Variants in ZNF875 observed in about 807,000 individuals in gnomAD.
ZNF875 encodes the protein HKR1, GLI-Kruppel zinc finger family member.
ZNF875 carries 14 observed loss-of-function variants against 11.2 expected under a neutral mutation model. The ratio of observed to expected loss-of-function variants is 1.26; its 90% confidence interval spans 0.83 to 1.96. The LOEUF is 1.96. Ranked by LOEUF, ZNF875 falls within the 30% of genes most tolerant of loss-of-function variation. The probability of loss-of-function intolerance (pLI) is 0.00; values close to 1 mark genes in which losing one functional copy is unlikely to be tolerated. For synonymous variants in ZNF875, 301 were observed against 281.1 expected (o/e 1.07, Z -0.71); for missense variants, 752 against 760.4 (o/e 0.99, Z 0.13).
chr19:37,347,674 CT>C, intron 3 of ZNF875, 102 bp from the exon 4 acceptor site: 1 of 740,788 alleles, frequency 1.3e-6, no homozygotes, highest in Non-Finnish European at 2.4e-6. Context: ...ATTCATAGGT[CT>C]TTTTTATCCT....
At position 37,335,143 on chromosome 19, in the gene ZNF875, A is replaced by G. The variant is rs138825315; in HGVS notation, c.-56-26A>G. ...TGGGGAGGGTGTTTCCACCTAGGCC[A>G]CTCTTATTTCTCTTCACATCCCCAG... On this transcript the variant is annotated intron_variant, in intron 1 of 4. Transcript: ENST00000392153. 426 of 692,640 alleles carry G rather than the reference A, an allele frequency of 6.2e-4. 2 individuals are homozygous for G. The highest frequency in any genetic ancestry group is 4.9e-3 in the African/African-American group (279 of 56,952). The allele number at this position is 692,640 out of a possible 1,614,324, so 42.9% of individuals were successfully genotyped here. A position where few individuals can be genotyped will look rare whatever the true frequency, so the allele number is the denominator to read the frequency against.
chr19:37,335,117 G>T (rs1254078390), intron 1 of ZNF875, 52 bp from the exon 2 acceptor site: 4 of 672,850 alleles, frequency 5.9e-6, no homozygotes, highest in Non-Finnish European at 1.1e-5. Context: ...GCTTCACTTC[G>T]TGGGGAGGGT....
intron 4 of ZNF875, among the ~76,000 whole-genome samples, chr19:37,325,437 A>G (rs1252397691): frequency 3.3e-5 from 5 of 152,252 alleles, no homozygotes; most frequent in African/African-American, 4.8e-5. Flanking sequence ...CACTTTAGAA[A>G]AGTTAAAAAG....
intron 2 of ZNF875, among the ~76,000 whole-genome samples, chr19:37,336,574 C>T (rs893813555): frequency 1.3e-5 from 2 of 150,966 alleles, no homozygotes; most frequent in Non-Finnish European, 3.0e-5. Flanking sequence ...GCTGGGATTA[C>T]AAGTGAGATT....
intron 2 of ZNF875, chr19:37,337,612 C>G (rs10426666): frequency 0.21 from 31,708 of 151,752 alleles, 3,524 homozygotes; most frequent in South Asian, 0.31. Context: ...CCCAGCTAAT[C>G]TTTTGTATCT....
chr19:37,326,388 GTC>G (rs2032440889), intron 4 of ZNF875, among the ~76,000 whole-genome samples: 1 of 152,072 alleles, frequency 6.6e-6, no homozygotes, highest in Non-Finnish European at 1.5e-5. Context: ...CTCTCTTCCT[GTC>G]TCTTGTAATC....
chr19:37,356,312 T>C (rs935202083), intron 4 of ZNF875, among the ~76,000 whole-genome samples: 8 of 152,242 alleles, frequency 5.3e-5, no homozygotes, highest in Non-Finnish European at 5.9e-5. Context: ...ATGGTAGTTC[T>C]ATTTTTAGTT....
rs1555821514 is a variant in ZNF875, at chr19:37,363,247, T to G, written c.1395T>G (p.Leu465=). Residue 465 remains leucine (L), a synonymous_variant, in exon 5 of 5, where the codon CTT becomes CTG. Coordinates refer to ENST00000392153, the MANE Select transcript of ZNF875 (RefSeq NM_001353803.2). The part of the protein sequence containing the change: ...CGQCFSLKSN[L]NKHQRSHTGE... ...AGTGCTTTAGCCTGAAGTCAAACCT[T>G]AACAAACACCAGAGGTCACACACGG... The G allele has an allele frequency of 1.2e-6, 2 of 1,610,594 alleles. No individual in the cohort carries two copies. Among genetic ancestry groups the G allele is most frequent in the Middle Eastern group, 1.7e-4 (1 of 6,022 alleles).
intron 4 of ZNF875, among the ~76,000 whole-genome samples, chr19:37,358,235 C>T (rs146761524): frequency 0.033 from 4,845 of 147,298 alleles, 116 homozygotes; most frequent in Non-Finnish European, 0.047. Context: ...AGCTCCGTCT[C>T]CCAGGTTCAC....
At chr19:37,342,713 A>G (rs924992912) in intron 2 of ZNF875, among the ~76,000 whole-genome samples, 8 of 152,156 alleles carry the variant, frequency 5.3e-5, no homozygotes, top group Non-Finnish European at 8.8e-5. Flanking sequence ...CGCCTGGCCC[A>G]AGTGAAACTT....
Position 37,363,671 on chromosome 19 carries a change from C to T in ZNF875, c.1819C>T (p.Gln607Ter). 6.2e-7 allele frequency: 1 copy of T among 1,612,330 alleles called. No homozygotes were observed. Among genetic ancestry groups the T allele is most frequent in the Non-Finnish European group, 8.5e-7 (1 of 1,179,090 alleles). Reference protein sequence around the residue: ...FSRQSHLIRHQRTHSGEKPYI... With the variant: ...FSRQSHLIRH The stretch of plus-strand genomic sequence containing the variant: ...CCGGCAGTCACACCTCATTAGACAC[C>T]AGAGGACACATTCAGGAGAGAAGCC... The change falls in exon 5 of 5, where the codon CAG (glutamine) becomes TAG (stop). Residue 607 changes from glutamine to a stop codon, truncating the protein, a stop_gained. Coordinates refer to ENST00000392153, the MANE Select transcript of ZNF875 (RefSeq NM_001353803.2). LOFTEE classifies it low-confidence loss of function (END_TRUNC).
intron 2 of ZNF875, chr19:37,346,865 C>CTT (rs10577168): frequency 7.7e-4 from 165 of 214,164 alleles, no homozygotes; most frequent in South Asian, 1.1e-3. Context: ...ACCTCTCATT[C>CTT]TTTTTTTTTT....
intron 2 of ZNF875, among the ~76,000 whole-genome samples, chr19:37,343,508 C>T (rs2036181764): frequency 6.6e-6 from 1 of 152,132 alleles, no homozygotes; most frequent in African/African-American, 2.4e-5. Flanking sequence ...TAGCTGGCTG[C>T]TCAGCTACAG....
upstream of ZNF875, among the ~76,000 whole-genome samples, chr19:37,316,326 T>C (rs894268095): frequency 5.3e-5 from 8 of 152,272 alleles, no homozygotes; most frequent in African/African-American, 1.9e-4. Context: ...TTTGATTTCA[T>C]GCATTTGTGT....
At chr19:37,355,169 T>C (rs1170336716) in intron 4 of ZNF875, among the ~76,000 whole-genome samples, 1 of 152,112 alleles carries the variant, frequency 6.6e-6, no homozygotes, top group Admixed American at 6.6e-5. Context: ...TTCATATGTG[T>C]TTGTTTTGTT....
chr19:37,314,377 A>C (rs2030092937), upstream of ZNF875, among the ~76,000 whole-genome samples: 1 of 128,122 alleles, frequency 7.8e-6, no homozygotes, highest in Non-Finnish European at 1.7e-5. Flanking sequence ...TGGCCTCCCA[A>C]AGTGTTGAGA....
chr19:37,333,923 C>T (rs979308406), upstream of ZNF875, among the ~76,000 whole-genome samples: 2 of 152,064 alleles, frequency 1.3e-5, no homozygotes, highest in Non-Finnish European at 2.9e-5. Context: ...CACCTCCACC[C>T]CACCCTCCGG....
chr19:37,363,317 C>T lies in ZNF875; in HGVS notation c.1465C>T (p.Arg489Trp), dbSNP rs768712085. The change falls in exon 5 of 5, where the codon CGG becomes TGG. Residue 489 changes from arginine to tryptophan, a missense_variant. Physicochemically the swap from Arg to Trp is moderately radical, Grantham distance 101. Coordinates refer to ENST00000392153, the MANE Select transcript of ZNF875 (RefSeq NM_001353803.2). The stretch of plus-strand genomic sequence containing the variant: ...TACGGAGTGTGGGCGAGGCTTTACC[C>T]GGAAATCAACCCTGAGCACGCACCA... ...VCTECGRGFTRKSTLSTHQRT... is the reference protein window; with the variant it reads ...VCTECGRGFTWKSTLSTHQRT... 1.8e-5 allele frequency: 29 copies of T among 1,609,788 alleles called. No individual in the cohort carries two copies. Among genetic ancestry groups the T allele is most frequent in the East Asian group, 2.2e-5 (1 of 44,684 alleles).
chr19:37,359,918 AG>A (rs1330401300), intron 4 of ZNF875: 1 of 152,208 alleles, frequency 6.6e-6, no homozygotes, highest in East Asian at 1.9e-4. Flanking sequence ...CAGGCACAAA[AG>A]TTTTAAATGC....
Sources: gnomAD v4.1 joint callset for allele counts (sites outside exome capture counted in the v4.1 genomes callset) on GRCh38, gnomAD v4.1.1 for gene constraint, MANE v1.5 for transcripts, NCBI Gene and HGNC (gene_info 2026-07-23, HGNC 2026-07-21) for gene names.